Variants in ARSB observed in about 807,000 individuals in gnomAD.
The protein encoded by ARSB is N-acetylgalactosamine-4-sulfatase.
Under a neutral mutation model 50.9 loss-of-function variants are expected in ARSB, and 41 were observed. That is an observed-to-expected ratio of 0.81 (90% CI 0.63 to 1.04). ARSB has a LOEUF of 1.04. ARSB is among the 50% of genes least tolerant of loss of function. The probability of loss-of-function intolerance (pLI) is 0.00; values close to 1 mark genes in which losing one functional copy is unlikely to be tolerated. For missense variants in ARSB, 672 were observed against 693.3 expected, an observed-to-expected ratio of 0.97 and a Z score of 0.35; for synonymous variants, 269 against 284.8, an observed-to-expected ratio of 0.94 and a Z score of 0.56.
chr5:78,810,846 C>T (rs906063702), intron 6 of ARSB, among the ~76,000 whole-genome samples: 1 of 152,184 alleles, frequency 6.6e-6, no homozygotes, highest in African/African-American at 2.4e-5. Flanking sequence ...TTGGATTTCT[C>T]CTAAGCTCTC....
At chr5:78,781,787 C>T in intron 7 of ARSB, 65 bp downstream of exon 7, 1 of 1,605,944 alleles carries the variant, frequency 6.2e-7, no homozygotes, top group South Asian at 1.1e-5. Context: ...GGAGATACTG[C>T]CCTGAGGACA....
At chr5:78,924,633 T>C (rs1749968269) in intron 4 of ARSB, among the ~76,000 whole-genome samples, 1 of 152,232 alleles carries the variant, frequency 6.6e-6, no homozygotes, top group Non-Finnish European at 1.5e-5. Flanking sequence ...ATCAGTCATT[T>C]GACTTGAGCA....
chr5:78,907,016 TGC>T lies in ARSB; in HGVS notation c.899-21191_899-21190del, dbSNP rs754008076. Among the ~76,000 whole-genome samples the T allele has an allele frequency of 1.9e-3, 292 of 152,336 alleles. 1 individual carries two copies. The highest frequency in any genetic ancestry group is 6.8e-3 in the Middle Eastern group (2 of 294). On this transcript the variant is annotated intron_variant, in intron 4 of 7. Coordinates refer to ENST00000264914, the MANE Select transcript of ARSB (RefSeq NM_000046.5). ...CAACAGGGGTTCAACACATGGTCCCTGCTTTCGAGGGAGGCAACATCCACAGA... is the reference window on the plus strand; with the variant it reads ...CAACAGGGGTTCAACACATGGTCCCTTTTCGAGGGAGGCAACATCCACAGA...
rs552542092 is a variant in ARSB, at chr5:78,878,304, A to G, written c.1142+7280T>C. Among the ~76,000 whole-genome samples the G allele has an allele frequency of 9.2e-5, 14 of 152,336 alleles. No individual in the cohort carries two copies. The East Asian group carries it at 2.7e-3, about 29-fold the overall frequency. On this transcript the variant is annotated intron_variant, in intron 5 of 7. Coordinates refer to ENST00000264914, the MANE Select transcript of ARSB (RefSeq NM_000046.5). ...GAGTTGTCAAGAAAATTTTATAAAG[A>G]CAATATAATGAAGGACAGGCCGATA...
chr5:78,794,497 A>G (rs556548679), intron 6 of ARSB, among the ~76,000 whole-genome samples: 8 of 152,314 alleles, frequency 5.3e-5, no homozygotes, highest in Admixed American at 2.0e-4. Context: ...ATAGGAGCCT[A>G]AAGAATCTAA....
At chr5:78,871,450 A>C (rs1480927981) in intron 5 of ARSB, among the ~76,000 whole-genome samples, 1 of 151,294 alleles carries the variant, frequency 6.6e-6, no homozygotes, top group Non-Finnish European at 1.5e-5. Context: ...ACAGCATGGT[A>C]CTGGTACCAA....
chr5:78,793,239 T>C (rs965001541), intron 6 of ARSB, among the ~76,000 whole-genome samples: 2 of 152,180 alleles, frequency 1.3e-5, no homozygotes, highest in African/African-American at 4.8e-5. Flanking sequence ...ATGTCATGGA[T>C]GGTCAGCTGG....
At position 78,862,003 on chromosome 5, in the gene ARSB, C is replaced by T. The variant is rs370439712; in HGVS notation, c.1143-22577G>A. Among the ~76,000 whole-genome samples, 18 of 152,258 alleles carry T rather than the reference C, an allele frequency of 1.2e-4. No homozygotes were observed. The East Asian group carries it at 1.5e-3, about 13-fold the overall frequency. On this transcript the variant is annotated intron_variant, in intron 5 of 7. Transcript: ENST00000264914. ...AACAGAGAACCAAATCACAACTGAA[C>T]TCCCATTCACAATTGCTTCAAAGAG...
intron 5 of ARSB, among the ~76,000 whole-genome samples, chr5:78,876,267 G>A (rs1319266823): frequency 2.0e-5 from 3 of 152,148 alleles, no homozygotes; most frequent in South Asian, 4.2e-4. Flanking sequence ...CAAAAAGCTG[G>A]GTCTGTACTG....
At chr5:78,850,176 C>T (rs1322484747) in intron 5 of ARSB, among the ~76,000 whole-genome samples, 3 of 152,058 alleles carry the variant, frequency 2.0e-5, no homozygotes. Flanking sequence ...TTTGCCCATT[C>T]AGTATATTGG....
At chr5:78,785,650 G>A (rs1229049186) in intron 6 of ARSB, among the ~76,000 whole-genome samples, 1 of 152,166 alleles carries the variant, frequency 6.6e-6, no homozygotes. Context: ...AGACTCTTAT[G>A]CAATAGAAAG....
At chr5:78,956,851 G>A (rs1266540555) in intron 3 of ARSB, among the ~76,000 whole-genome samples, 1 of 152,218 alleles carries the variant, frequency 6.6e-6, no homozygotes, top group South Asian at 2.1e-4. Context: ...CGATATGGAT[G>A]TGTACCAATA....
rs748406197 is a variant in ARSB at position 78,780,477 on chromosome 5, G to A, written c.1522C>T (p.His508Tyr). Residue 508 changes from histidine (H) to tyrosine (Y), a missense_variant, in exon 8 of 8, where the codon CAC (histidine) becomes TAC (tyrosine). Physicochemically the swap from His to Tyr is moderately conservative, Grantham distance 83. Coordinates refer to ENST00000264914, the MANE Select transcript of ARSB (RefSeq NM_000046.5). ...GCAGGGAAGTACACGGGGACTGAGT[G>A]TTTATGGTAGAACTGTAGGCGGGAC... ...LLSRLQFYHKHSVPVYFPAQD... is the reference protein window; with the variant it reads ...LLSRLQFYHKYSVPVYFPAQD... The A allele has an allele frequency of 6.2e-7, 1 of 1,614,190 alleles. No individual in the cohort carries two copies. Among genetic ancestry groups the A allele is most frequent in the Admixed American group, 1.7e-5 (1 of 60,022 alleles).
chr5:78,850,794 G>A (rs568285663), intron 5 of ARSB, among the ~76,000 whole-genome samples: 1 of 152,298 alleles, frequency 6.6e-6, no homozygotes, highest in African/African-American at 2.4e-5. Context: ...TTGGGAGGGT[G>A]TACGTATCCA....
chr5:78,855,391 C>T (rs1418236796), intron 5 of ARSB, among the ~76,000 whole-genome samples: 1 of 152,214 alleles, frequency 6.6e-6, no homozygotes, highest in African/African-American at 2.4e-5. Context: ...TGCTTCAGCT[C>T]TGGCCTGAGG....
intron 4 of ARSB, among the ~76,000 whole-genome samples, chr5:78,894,349 C>G (rs1748471046): frequency 6.6e-6 from 1 of 152,172 alleles, no homozygotes; most frequent in South Asian, 2.1e-4. Context: ...TTTATGATTC[C>G]AAGTATATAA....
At chr5:78,887,627 T>C (rs1272351546) in intron 4 of ARSB, among the ~76,000 whole-genome samples, 1 of 152,242 alleles carries the variant, frequency 6.6e-6, no homozygotes, top group Non-Finnish European at 1.5e-5. Flanking sequence ...CTGCTGTTGT[T>C]CTTAAAATTT....
At chr5:78,805,240 C>T (rs989456411) in intron 6 of ARSB, among the ~76,000 whole-genome samples, 1 of 152,278 alleles carries the variant, frequency 6.6e-6, no homozygotes. Flanking sequence ...ATCAAGTTTA[C>T]CTGTAGGAGG....
At chr5:78,826,006 T>C (rs942506305) in intron 6 of ARSB, among the ~76,000 whole-genome samples, 3 of 152,116 alleles carry the variant, frequency 2.0e-5, no homozygotes, top group Non-Finnish European at 4.4e-5. Flanking sequence ...TCCATAGATC[T>C]TTTTTAAAGG....
Sources: allele counts gnomAD v4.1 joint callset (sites outside exome capture counted in the v4.1 genomes callset), GRCh38; gene constraint gnomAD v4.1.1; transcripts MANE v1.5; gene names NCBI Gene and HGNC (gene_info 2026-07-23, HGNC 2026-07-21).